Variants in ACTN1 observed in about 807,000 individuals in gnomAD.
The protein encoded by ACTN1 is alpha-actinin-1.
ACTN1 carries 30 observed loss-of-function variants against 119.6 expected under a neutral mutation model. That is an observed-to-expected ratio of 0.25 (90% CI 0.19 to 0.34). ACTN1 has a LOEUF of 0.34. Ranked by LOEUF, ACTN1 falls within the 10% of genes least tolerant of loss-of-function variation. The pLI, the probability that ACTN1 is intolerant of heterozygous loss-of-function variation, is 1.00. For missense variants in ACTN1, 764 were observed against 1,223.4 expected, an observed-to-expected ratio of 0.62 and a Z score of 5.60; for synonymous variants, 429 against 472.6, an observed-to-expected ratio of 0.91 and a Z score of 1.20.
intron 1 of ACTN1, among the ~76,000 whole-genome samples, chr14:68,967,666 C>T (rs1300908621): frequency 1.3e-5 from 2 of 152,214 alleles, no homozygotes; most frequent in African/African-American, 4.8e-5. Context: ...ACTAACTGGG[C>T]AAGGCAATGG....
intron 1 of ACTN1, among the ~76,000 whole-genome samples, chr14:68,927,553 G>A (rs2034993979): frequency 6.6e-6 from 1 of 152,172 alleles, no homozygotes; most frequent in Non-Finnish European, 1.5e-5. Context: ...AGGGTCCTGG[G>A]AGATCCAACT....
At chr14:68,937,758 G>A (rs1037597653) in intron 1 of ACTN1, among the ~76,000 whole-genome samples, 1 of 152,230 alleles carries the variant, frequency 6.6e-6, no homozygotes, top group African/African-American at 2.4e-5. Flanking sequence ...AGAGCACCCA[G>A]GACTCTGGTC....
chr14:68,950,218 C>T (rs1294802950), intron 1 of ACTN1, among the ~76,000 whole-genome samples: 3 of 149,090 alleles, frequency 2.0e-5, no homozygotes, highest in Admixed American at 6.7e-5. Context: ...CACTTGAACC[C>T]GAGAGGAGGA....
At chr14:68,902,382 C>T in intron 8 of ACTN1, 95 bp downstream of exon 8, 1 of 1,067,124 alleles carries the variant, frequency 9.4e-7, no homozygotes, top group East Asian at 2.4e-5. Context: ...ATCCAGATAC[C>T]TGTCACCAGG....
At chr14:68,964,417 G>A (rs995986492) in intron 1 of ACTN1, among the ~76,000 whole-genome samples, 2 of 152,350 alleles carry the variant, frequency 1.3e-5, no homozygotes, top group South Asian at 4.1e-4. Flanking sequence ...GAATGTACGG[G>A]TCAGGAGAGA....
At chr14:68,918,540 G>A (rs1044506944) in intron 3 of ACTN1, among the ~76,000 whole-genome samples, 10 of 149,886 alleles carry the variant, frequency 6.7e-5, no homozygotes, top group African/African-American at 2.5e-4. Context: ...AGTCAAGATC[G>A]CCCCTCTACA....
Position 68,877,224 on chromosome 14 carries a change from G to C in ACTN1, c.2444C>G (p.Ala815Gly). The C allele has an allele frequency of 3.7e-6, 6 of 1,614,116 alleles. No homozygotes were observed. Among genetic ancestry groups the C allele is most frequent in the Non-Finnish European group, 5.1e-6 (6 of 1,180,012 alleles). The part of the protein sequence containing the change: ...MGYNMGEAEF[A>G]RIMSIVDPNR... ...GGGGTCCACAATGCTCATGATGCGG[G>C]CAAATTCTGCTTCTCCCTGGAGGGA... The change falls in exon 21 of 22, where the codon GCC (alanine) becomes GGC (glycine). Residue 815 changes from alanine to glycine, a missense_variant. Ala to Gly is a moderately conservative substitution (Grantham distance 60, BLOSUM62 0). This residue lies in a region of ACTN1 where 544 missense variants were observed against 912.0 expected (regional missense o/e 0.60). Coordinates refer to ENST00000394419, the MANE Select transcript of ACTN1 (RefSeq NM_001130004.2).
At chr14:68,966,681 T>C (rs2036717436) in intron 1 of ACTN1, among the ~76,000 whole-genome samples, 1 of 151,604 alleles carries the variant, frequency 6.6e-6, no homozygotes, top group South Asian at 2.1e-4. Context: ...CCCACAGTTA[T>C]CTAGATCCAC....
Position 68,949,681 on chromosome 14 carries a change from C to T in ACTN1, c.106-24009G>A, listed in dbSNP as rs962994759. 3.9e-5 allele frequency among the ~76,000 whole-genome samples: 6 copies of T among 152,214 alleles called. No individual in the cohort carries two copies. In the South Asian group the frequency reaches 6.2e-4, roughly 16 times the overall value. ...ACATTCACAGCAGCACTGTTCACAA[C>T]GGCCAAAAGGGGGGAACAACCCAAA... On this transcript the variant is annotated intron_variant, in intron 1 of 21. Transcript: ENST00000394419.
intron 8 of ACTN1, among the ~76,000 whole-genome samples, chr14:68,901,636 T>C (rs61985082): frequency 0.12 from 18,205 of 152,192 alleles, 1,202 homozygotes; most frequent in Non-Finnish European, 0.14. Context: ...CATGGTGATG[T>C]TGTGCTTCTT....
At chr14:68,897,795 G>A (rs938881382) in intron 8 of ACTN1, among the ~76,000 whole-genome samples, 3 of 152,202 alleles carry the variant, frequency 2.0e-5, no homozygotes, top group Non-Finnish European at 4.4e-5. Flanking sequence ...CCAGGCATCC[G>A]AGCTTCCTCA....
In ACTN1 at chr14:68,917,199, C is replaced by A. The variant is rs557912104; in HGVS notation, c.340+3807G>T. 2.0e-5 allele frequency among the ~76,000 whole-genome samples: 3 copies of A among 152,324 alleles called. No homozygotes were observed. The East Asian group carries it at 5.8e-4, about 29-fold the overall frequency. On this transcript the variant is annotated intron_variant, in intron 3 of 21. Transcript: ENST00000394419. ...TCGTAGGGGAGACCTTAAGGATCTGCTCTAACCTCCCCTTTATGTGTGGAA... is the reference window on the plus strand; with the variant it reads ...TCGTAGGGGAGACCTTAAGGATCTGATCTAACCTCCCCTTTATGTGTGGAA...
At chr14:68,898,949 C>T (rs1222210585) in intron 8 of ACTN1, among the ~76,000 whole-genome samples, 1 of 148,260 alleles carries the variant, frequency 6.7e-6, no homozygotes, top group Non-Finnish European at 1.5e-5. Flanking sequence ...ACAGCACTCC[C>T]CTTCACTCCA....
In ACTN1 at chr14:68,880,123, G is replaced by C. The variant is rs370937304; in HGVS notation, c.2134-15C>G. The C allele has an allele frequency of 6.2e-7, 1 of 1,612,144 alleles. No individual in the cohort carries two copies. Among genetic ancestry groups the C allele is most frequent in the African/African-American group, 1.3e-5 (1 of 75,020 alleles). ...ACACGGATGTGCTGCAGGACGGCAAGGGGCCTGTCAGCAAAGGGGTCCCAG... is the reference window on the plus strand; with the variant it reads ...ACACGGATGTGCTGCAGGACGGCAACGGGCCTGTCAGCAAAGGGGTCCCAG... On this transcript the variant is annotated splice_polypyrimidine_tract_variant and intron_variant, in intron 17 of 21. Transcript: ENST00000394419. The surrounding 1 kb of genome is among the most constrained non-coding windows in gnomAD (Gnocchi z 4.6).
At chr14:68,961,240 T>C (rs917330381) in intron 1 of ACTN1, among the ~76,000 whole-genome samples, 1 of 152,134 alleles carries the variant, frequency 6.6e-6, no homozygotes, top group Admixed American at 6.5e-5. Flanking sequence ...TGTAACTATA[T>C]AAGAAAAAGT....
intron 1 of ACTN1, among the ~76,000 whole-genome samples, chr14:68,931,247 A>G (rs1468575602): frequency 7.2e-5 from 11 of 152,242 alleles, no homozygotes; most frequent in Admixed American, 7.2e-4. Context: ...CGCAGCCAGC[A>G]TTGGCACAGA....
intron 1 of ACTN1, among the ~76,000 whole-genome samples, chr14:68,928,177 T>A (rs1236965652): frequency 6.6e-6 from 1 of 152,100 alleles, no homozygotes; most frequent in Non-Finnish European, 1.5e-5. Flanking sequence ...GGGGTTGGGA[T>A]GAGATAAAGG....
In ACTN1 at chr14:68,946,404, T is replaced by C. The variant is rs374380940; in HGVS notation, c.106-20732A>G. Among the ~76,000 whole-genome samples, 48 of 152,230 alleles carry C rather than the reference T, an allele frequency of 3.2e-4. 2 individuals are homozygous for C. Among genetic ancestry groups the C allele is most frequent in the Middle Eastern group, 3.4e-3 (1 of 294 alleles). ...TGGCATCATCAGCTGACCCTGGAAA[T>C]ACCTATTCCTCAACTTCCCTATCTG... On this transcript the variant is annotated intron_variant, in intron 1 of 21. Coordinates refer to ENST00000394419, the MANE Select transcript of ACTN1 (RefSeq NM_001130004.2).
chr14:68,969,334 C>A (rs2036804727), intron 1 of ACTN1, among the ~76,000 whole-genome samples: 1 of 152,202 alleles, frequency 6.6e-6, no homozygotes, highest in South Asian at 2.1e-4. Context: ...GACAGGAAAC[C>A]AGGGGTCTGG....
Sources: gnomAD v4.1 joint callset for allele counts (sites outside exome capture counted in the v4.1 genomes callset) on GRCh38, gnomAD v4.1.1 for gene constraint, gnomAD v4.1.1 regional missense constraint, Gnocchi (gnomAD v3.1) non-coding constraint, MANE v1.5 for transcripts, NCBI Gene and HGNC (gene_info 2026-07-23, HGNC 2026-07-21) for gene names.